MMS22L: variants seen among roughly 807,000 people sequenced by gnomAD.
MMS22L encodes protein MMS22-like.
Under a neutral mutation model 159.1 loss-of-function variants are expected in MMS22L, and 74 were observed. The ratio of observed to expected loss-of-function variants is 0.47; its 90% CI spans 0.39 to 0.56. MMS22L has a LOEUF of 0.56. MMS22L is among the 20% of genes least tolerant of loss of function. MMS22L has a pLI of 0.00. For synonymous variants in MMS22L, 517 were observed against 506.9 expected, an observed-to-expected ratio of 1.02 and a Z score of -0.27; for missense variants, 1,351 against 1,422.1, an observed-to-expected ratio of 0.95 and a Z score of 0.80.
intron 20 of MMS22L, 30 bp downstream of exon 20, chr6:97,168,041 T>TA (rs775686910): frequency 1.3e-6 from 2 of 1,522,216 alleles, no homozygotes; most frequent in Non-Finnish European, 1.8e-6. Context: ...ATTTTTTTTT[T>TA]AAACTTTTAA....
chr6:97,160,317 A>C (rs1408485926), intron 22 of MMS22L, among the ~76,000 whole-genome samples: 1 of 151,920 alleles, frequency 6.6e-6, no homozygotes, highest in African/African-American at 2.4e-5. Flanking sequence ...CTCAGTTTTA[A>C]TTTATTTGAG....
intron 14 of MMS22L, among the ~76,000 whole-genome samples, chr6:97,192,362 C>T (rs775471085): frequency 6.6e-6 from 1 of 152,092 alleles, no homozygotes; most frequent in Admixed American, 6.6e-5. Flanking sequence ...TTCAAATGAG[C>T]TCTTGTCTAA....
chr6:97,199,830 T>C lies in MMS22L; in HGVS notation c.2040-13140A>G, dbSNP rs535353225. On this transcript the variant is annotated intron_variant, in intron 14 of 24. Coordinates refer to ENST00000683635, the MANE Select transcript of MMS22L (RefSeq NM_001350599.2). ...AATGGAAATAACAGTCTAGTCACCA[T>C]TGTAATATAGTGCTAAACCTGCAGT... Among the ~76,000 whole-genome samples, 6 of 152,220 alleles carry C rather than the reference T, an allele frequency of 3.9e-5. No individual in the cohort carries two copies. In the East Asian group the frequency reaches 1.2e-3, roughly 29 times the overall value.
chr6:97,261,090 C>T (rs2128071763), intron 9 of MMS22L: 1 of 152,324 alleles, frequency 6.6e-6, no homozygotes, highest in East Asian at 1.9e-4. Context: ...AGTATCTTCA[C>T]ATTCTGGCAA....
chr6:97,270,839 A>G (rs1290406277), intron 6 of MMS22L: 1 of 152,166 alleles, frequency 6.6e-6, no homozygotes, highest in Non-Finnish European at 1.5e-5. Context: ...TTAACTTTGC[A>G]AGAAACTAAA....
Position 97,267,950 on chromosome 6 carries a change from G to A in MMS22L, c.750C>T (p.Thr250=), listed in dbSNP as rs772211958. 1.2e-6 allele frequency: 2 copies of A among 1,607,564 alleles called. No individual in the cohort carries two copies. Among genetic ancestry groups the A allele is most frequent in the African/African-American group, 1.3e-5 (1 of 74,694 alleles). The change falls in exon 8 of 25, where the codon ACC becomes ACT. Residue 250 remains threonine (T), a synonymous_variant. Transcript: ENST00000683635. The stretch of plus-strand genomic sequence containing the variant: ...AATGTTCTTCAAATAGGCTGATGTT[G>A]GTTAAATTGTCACTTGCCAGATTCA... The part of the protein sequence containing the change: ...QFMNLASDNL[T]NISLFEEHCE...
At chr6:97,250,883 C>T (rs1427074272) in intron 10 of MMS22L, among the ~76,000 whole-genome samples, 1 of 152,124 alleles carries the variant, frequency 6.6e-6, no homozygotes, top group Non-Finnish European at 1.5e-5. Flanking sequence ...ATCTCTCACT[C>T]CAGATTACTT....
rs145035144 is a variant in MMS22L at position 97,205,331 on chromosome 6, C to A, written c.2040-18641G>T. On this transcript the variant is annotated intron_variant, in intron 14 of 24. Coordinates refer to ENST00000683635, the MANE Select transcript of MMS22L (RefSeq NM_001350599.2). ...GTTGCTGTGCCTACAGATGCAATGT[C>A]TAGCTCACATATTCTTCCTGTTGTT... Among the ~76,000 whole-genome samples, 10 of 152,106 alleles carry A rather than the reference C, an allele frequency of 6.6e-5. No homozygotes were observed. The East Asian group carries it at 1.9e-3, about 29-fold the overall frequency.
intron 14 of MMS22L, among the ~76,000 whole-genome samples, chr6:97,213,323 T>C (rs1161881917): frequency 6.6e-6 from 1 of 152,086 alleles, no homozygotes; most frequent in East Asian, 1.9e-4. Context: ...GGAGAATCAC[T>C]TGAACACAGG....
At chr6:97,237,161 G>A (rs1400196198) in intron 11 of MMS22L, among the ~76,000 whole-genome samples, 1 of 152,130 alleles carries the variant, frequency 6.6e-6, no homozygotes, top group African/African-American at 2.4e-5. Flanking sequence ...GTATAACCAT[G>A]GGAGGAGGTA....
Position 97,199,361 on chromosome 6 carries a change from A to G in MMS22L, c.2040-12671T>C, listed in dbSNP as rs531403649. 1.5e-4 allele frequency among the ~76,000 whole-genome samples: 23 copies of G among 152,234 alleles called. 1 individual carries two copies. Among genetic ancestry groups the G allele is most frequent in the Admixed American group, 1.4e-3 (22 of 15,266 alleles). ...GACTGATTATTAACTACATCAACCCAAATGTTCCCGTCACAGTGAAATTTG... is the reference window on the plus strand; with the variant it reads ...GACTGATTATTAACTACATCAACCCGAATGTTCCCGTCACAGTGAAATTTG... On this transcript the variant is annotated intron_variant, in intron 14 of 24. Coordinates refer to ENST00000683635, the MANE Select transcript of MMS22L (RefSeq NM_001350599.2).
At position 97,266,256 on chromosome 6, in the gene MMS22L, T is replaced by C. The variant is rs564061183; in HGVS notation, c.828+1616A>G. ...GGTACAGCCATCATGTAATACAGTA[T>C]GCAAATTCCTCACAAAATTAAATAT... is the stretch of plus-strand genomic sequence containing the variant. On this transcript the variant is annotated intron_variant, in intron 8 of 24. Transcript: ENST00000683635. 3.9e-5 allele frequency: 6 copies of C among 152,306 alleles called. No homozygotes were observed. In the South Asian group the frequency reaches 1.0e-3, roughly 26 times the overall value. The allele number at this position is 152,306 out of a possible 1,614,324, so 9.4% of individuals were successfully genotyped here.
rs937864733 is a variant in MMS22L, at chr6:97,280,805, ATATT to A, written c.290+428_290+431del. On this transcript the variant is annotated intron_variant, in intron 3 of 24. Transcript: ENST00000683635. Reference sequence around the variant, plus strand: ...GAAGGAGGGTATATGGATGTTCATTATATTATTATTTTGTGTATGCTTAAAATTT... The same window carrying A: ...GAAGGAGGGTATATGGATGTTCATTAATTATTTTGTGTATGCTTAAAATTT... 6.6e-5 allele frequency among the ~76,000 whole-genome samples: 10 copies of A among 152,130 alleles called. 1 individual carries two copies. Among genetic ancestry groups the A allele is most frequent in the Admixed American group, 6.5e-4 (10 of 15,274 alleles).
At chr6:97,180,343 C>T (rs376022442) in intron 16 of MMS22L, among the ~76,000 whole-genome samples, 2 of 152,090 alleles carry the variant, frequency 1.3e-5, no homozygotes, top group South Asian at 2.1e-4. Context: ...CCTTATGATC[C>T]GCCTGCCTTG....
chr6:97,203,788 G>A (rs2127904351), intron 14 of MMS22L, among the ~76,000 whole-genome samples: 1 of 151,994 alleles, frequency 6.6e-6, no homozygotes, highest in South Asian at 2.1e-4. Context: ...TTTTTTCTTT[G>A]GAGAAATATA....
chr6:97,269,775 T>C, intron 7 of MMS22L, 127 bp downstream of exon 7: 1 of 643,428 alleles, frequency 1.6e-6, no homozygotes, highest in Non-Finnish European at 2.5e-6. Context: ...GTAAAACTTT[T>C]ACTTCATACT....
At chr6:97,168,565 T>C (rs750849574) in intron 19 of MMS22L, among the ~76,000 whole-genome samples, 151 of 152,188 alleles carry the variant, frequency 9.9e-4, no homozygotes, top group South Asian at 2.3e-3. Flanking sequence ...GCCAACATGA[T>C]GATCAAAAGA....
intron 10 of MMS22L, among the ~76,000 whole-genome samples, chr6:97,250,136 A>G (rs115159932): frequency 9.0e-4 from 137 of 152,300 alleles, no homozygotes; most frequent in African/African-American, 3.1e-3. Flanking sequence ...GGGCAGCTAC[A>G]GCATTTTTTT....
At position 97,168,117 on chromosome 6, in the gene MMS22L, G is replaced by A. The variant is rs1291798899; in HGVS notation, c.2963C>T (p.Ala988Val). The A allele has an allele frequency of 1.2e-6, 2 of 1,612,964 alleles. No homozygotes were observed. The highest frequency in any genetic ancestry group is 1.7e-6 in the Non-Finnish European group (2 of 1,179,324). ...TTTCTGAATTGCTGACAACATAGGT[G>A]CAGGCAGTTCCTTCTCTTGCTGTAA... is the stretch of plus-strand genomic sequence containing the variant. ...AVLQQEKELP[A>V]PMLSAIQKSL... is the part of the protein sequence containing the mutation. Residue 988 changes from alanine to valine, a missense_variant, in exon 20 of 25, where the codon GCA becomes GTA. Physicochemically the swap from Ala to Val is moderately conservative, Grantham distance 64. Coordinates refer to ENST00000683635, the MANE Select transcript of MMS22L (RefSeq NM_001350599.2).
Sources: allele counts gnomAD v4.1 joint callset (sites outside exome capture counted in the v4.1 genomes callset), GRCh38; gene constraint gnomAD v4.1.1; transcripts MANE v1.5; gene names NCBI Gene and HGNC (gene_info 2026-07-23, HGNC 2026-07-21).